Variants in FARP1 observed in about 807,000 individuals in gnomAD.
The protein encoded by FARP1 is FERM, ARHGEF and pleckstrin domain-containing protein 1.
FARP1 carries 52 observed loss-of-function variants against 128.8 expected under a neutral mutation model. That is an observed-to-expected ratio of 0.40 (90% CI 0.32 to 0.51). The LOEUF is 0.51. Ranked by LOEUF, FARP1 falls within the 20% of genes least tolerant of loss-of-function variation. FARP1 has a pLI of 0.45. For synonymous variants in FARP1, 580 were observed against 551.8 expected, an observed-to-expected ratio of 1.05 and a Z score of -0.72; for missense variants, 1,333 against 1,367.9, an observed-to-expected ratio of 0.97 and a Z score of 0.40.
intron 2 of FARP1, among the ~76,000 whole-genome samples, chr13:98,240,688 C>T (rs767596965): frequency 1.3e-5 from 2 of 152,188 alleles, no homozygotes; most frequent in African/African-American, 4.8e-5. Context: ...TCTCACTGGT[C>T]GGGAGAGGAT....
rs1222919909 is a variant in FARP1 at position 98,450,545 on chromosome 13, G to C, written c.*2228G>C. ...GTGTCCACCTCATTGGCAGCAGCCA[G>C]CCAGGACACAGCTCAAAAACGCAGG... On this transcript the variant is annotated 3_prime_UTR_variant, in exon 27 of 27. Coordinates refer to ENST00000319562, the MANE Select transcript of FARP1 (RefSeq NM_005766.4). The C allele has an allele frequency of 6.6e-6, 1 of 152,358 alleles. No individual in the cohort carries two copies. Among genetic ancestry groups the C allele is most frequent in the Non-Finnish European group, 1.5e-5 (1 of 68,178 alleles). 9.4% of individuals were successfully genotyped at this position (152,358 alleles called of 1,614,324 possible).
At chr13:98,386,769 G>A (rs1162023735) in intron 8 of FARP1, among the ~76,000 whole-genome samples, 1 of 147,010 alleles carries the variant, frequency 6.8e-6, no homozygotes. Flanking sequence ...CCTTTATTGA[G>A]CTCTTCCAGG....
intron 1 of FARP1, among the ~76,000 whole-genome samples, chr13:98,153,108 G>A (rs538236388): frequency 6.3e-4 from 96 of 151,556 alleles, no homozygotes; most frequent in Non-Finnish European, 1.8e-4. Context: ...AATCTTAACT[G>A]GAGTGTTTGG....
At chr13:98,393,914 C>T (rs1364411227) in intron 12 of FARP1, among the ~76,000 whole-genome samples, 196 bp downstream of exon 12, 4 of 152,148 alleles carry the variant, frequency 2.6e-5, no homozygotes, top group African/African-American at 7.2e-5. Context: ...GCTCAGAGGC[C>T]GTGGAGTGTG....
At chr13:98,220,215 T>A (rs1881335829) in intron 2 of FARP1, among the ~76,000 whole-genome samples, 1 of 152,094 alleles carries the variant, frequency 6.6e-6, no homozygotes, top group Non-Finnish European at 1.5e-5. Flanking sequence ...GTACTGATAA[T>A]GGAAGGAAGG....
intron 2 of FARP1, among the ~76,000 whole-genome samples, chr13:98,218,905 G>C (rs1341881734): frequency 2.0e-5 from 3 of 152,324 alleles, no homozygotes; most frequent in South Asian, 2.1e-4. Context: ...AAAGTAATGA[G>C]TTTGTATGTC....
chr13:98,290,176 G>A (rs1039532840), intron 2 of FARP1, among the ~76,000 whole-genome samples: 38 of 151,706 alleles, frequency 2.5e-4, no homozygotes, highest in African/African-American at 9.2e-4. Context: ...GGGAACTTAC[G>A]TTCCAGTACA....
intron 2 of FARP1, among the ~76,000 whole-genome samples, chr13:98,314,178 C>A (rs1886615515): frequency 6.6e-6 from 1 of 151,258 alleles, no homozygotes; most frequent in South Asian, 2.1e-4. Flanking sequence ...AAGTCACATT[C>A]TTCTTGGTGA....
intron 1 of FARP1, among the ~76,000 whole-genome samples, chr13:98,147,701 G>C (rs184522848): frequency 6.6e-6 from 1 of 151,756 alleles, no homozygotes; most frequent in Non-Finnish European, 1.5e-5. Flanking sequence ...AAAAAAACTC[G>C]AGGCTGGAGT....
At chr13:98,179,738 C>T (rs1344044534) in intron 1 of FARP1, among the ~76,000 whole-genome samples, 3 of 150,752 alleles carry the variant, frequency 2.0e-5, no homozygotes, top group Non-Finnish European at 2.9e-5. Context: ...GTGCCTGTAG[C>T]CCCAGCTACT....
At chr13:98,188,956 C>T (rs2139228029) in intron 1 of FARP1, among the ~76,000 whole-genome samples, 1 of 152,304 alleles carries the variant, frequency 6.6e-6, no homozygotes, top group Non-Finnish European at 1.5e-5. Flanking sequence ...ACAAGTCCAG[C>T]TTGGTGGCAA....
At chr13:98,243,472 G>A (rs1413367781) in intron 2 of FARP1, among the ~76,000 whole-genome samples, 2 of 151,844 alleles carry the variant, frequency 1.3e-5, no homozygotes, top group East Asian at 1.9e-4. Flanking sequence ...GAGGGGGGTG[G>A]ATCACGAGGT....
intron 3 of FARP1, among the ~76,000 whole-genome samples, chr13:98,356,080 T>C (rs1888625273): frequency 6.6e-6 from 1 of 152,212 alleles, no homozygotes; most frequent in Non-Finnish European, 1.5e-5. Flanking sequence ...ATGTTCTGTG[T>C]TGGGTAGGAT....
intron 1 of FARP1, chr13:98,177,239 T>G (rs774412431): frequency 6.5e-7 from 1 of 1,545,588 alleles, no homozygotes; most frequent in Non-Finnish European, 8.7e-7. Flanking sequence ...GCTGCCATGT[T>G]TGAGTCTCAG....
chr13:98,324,782 G>T (rs1326312436), intron 2 of FARP1, among the ~76,000 whole-genome samples: 2 of 152,168 alleles, frequency 1.3e-5, no homozygotes, highest in Non-Finnish European at 2.9e-5. Flanking sequence ...GGAAGCATCA[G>T]GCCCTGATGA....
chr13:98,245,913 T>TG (rs1235363115), intron 2 of FARP1, among the ~76,000 whole-genome samples: 1 of 148,370 alleles, frequency 6.7e-6, no homozygotes, highest in East Asian at 2.0e-4. Context: ...GGACTACAGA[T>TG]GCACGCCGCC....
intron 8 of FARP1, 103 bp from the exon 9 acceptor site, chr13:98,388,280 C>CTTCCTTTA: frequency 1.3e-6 from 1 of 785,456 alleles, no homozygotes; most frequent in Admixed American, 1.9e-5. Flanking sequence ...ACTGAGCAGT[C>CTTCCTTTA]GCCTGCCAGC....
At chr13:98,267,297 A>C (rs896097903) in intron 2 of FARP1, among the ~76,000 whole-genome samples, 3 of 152,182 alleles carry the variant, frequency 2.0e-5, no homozygotes, top group African/African-American at 7.2e-5. Context: ...TGCTTTGAGT[A>C]AACTTGGCCT....
chr13:98,211,753 C>A (rs67464084), intron 1 of FARP1, among the ~76,000 whole-genome samples: 50,683 of 152,142 alleles, frequency 0.33, 10,641 homozygotes, highest in Non-Finnish European at 0.48. Context: ...CTCTTTTAAC[C>A]ACTTCATCTC....
Sources: gnomAD v4.1 joint callset for allele counts (sites outside exome capture counted in the v4.1 genomes callset) on GRCh38, gnomAD v4.1.1 for gene constraint, MANE v1.5 for transcripts, NCBI Gene and HGNC (gene_info 2026-07-23, HGNC 2026-07-21) for gene names.